Variants in SDK1 observed in about 807,000 individuals in gnomAD.
SDK1 encodes the protein sidekick cell adhesion molecule 1.
A neutral mutation model predicts 245.5 loss-of-function variants in SDK1; 157 were observed. The ratio of observed to expected loss-of-function variants is 0.64; its 90% CI spans 0.56 to 0.73. The LOEUF is 0.73. Among genes scored for constraint, SDK1 ranks in the 30% least tolerant of loss-of-function variants. The probability of loss-of-function intolerance (pLI) is 0.00; values close to 1 mark genes in which losing one functional copy is unlikely to be tolerated. For missense variants in SDK1, 3,583 were observed against 3,002.3 expected, an observed-to-expected ratio of 1.19 and a Z score of -4.52; for synonymous variants, 1,647 against 1,278.5, an observed-to-expected ratio of 1.29 and a Z score of -6.15.
At chr7:4,162,372 A>ATTG (rs1562372603) in intron 32 of SDK1, among the ~76,000 whole-genome samples, 5 of 61,918 alleles carry the variant, frequency 8.1e-5, no homozygotes, top group African/African-American at 5.7e-4. Flanking sequence ...TGTTGTTGTT[A>ATTG]TTATTATTAT....
intron 1 of SDK1, among the ~76,000 whole-genome samples, chr7:3,546,412 G>T (rs1779228088): frequency 1.3e-5 from 2 of 152,182 alleles, no homozygotes; most frequent in South Asian, 4.1e-4. Flanking sequence ...AGATGAGGTT[G>T]TACACTAAAG....
intron 1 of SDK1, among the ~76,000 whole-genome samples, chr7:3,324,649 C>T (rs566561619): frequency 6.6e-6 from 1 of 152,242 alleles, no homozygotes; most frequent in African/African-American, 2.4e-5. Flanking sequence ...GGGTTTTGCA[C>T]TCAAAGCAAA....
intron 44 of SDK1, among the ~76,000 whole-genome samples, chr7:4,251,036 G>A (rs573571480): frequency 1.4e-4 from 22 of 152,200 alleles, no homozygotes; most frequent in African/African-American, 5.1e-4. Context: ...TGCAATATGT[G>A]GTTTTGTGAT....
chr7:4,031,175 G>A (rs1350098667), intron 17 of SDK1, among the ~76,000 whole-genome samples: 2 of 152,084 alleles, frequency 1.3e-5, no homozygotes, highest in East Asian at 3.8e-4. Flanking sequence ...ATATGTTCTT[G>A]TACATGTATA....
chr7:3,468,926 C>T (rs1456712210), intron 1 of SDK1, among the ~76,000 whole-genome samples: 1 of 152,098 alleles, frequency 6.6e-6, no homozygotes, highest in African/African-American at 2.4e-5. Context: ...GGGTAGGTTT[C>T]CCTTGACTCC....
At chr7:3,823,289 A>C (rs892510517) in intron 5 of SDK1, among the ~76,000 whole-genome samples, 1 of 152,192 alleles carries the variant, frequency 6.6e-6, no homozygotes, top group African/African-American at 2.4e-5. Flanking sequence ...AGAGCCATTT[A>C]TCTTGTTTAG....
chr7:3,393,481 G>C (rs539640900), intron 1 of SDK1, among the ~76,000 whole-genome samples: 1 of 152,250 alleles, frequency 6.6e-6, no homozygotes, highest in African/African-American at 2.4e-5. Flanking sequence ...GCTATGTGAA[G>C]TGGTATCTGT....
intron 1 of SDK1, among the ~76,000 whole-genome samples, chr7:3,397,909 T>G (rs374917438): frequency 2.6e-5 from 4 of 152,100 alleles, no homozygotes; most frequent in African/African-American, 9.7e-5. Context: ...CTGCCATATA[T>G]GAGTCTGATT....
At chr7:4,041,061 C>T (rs879937937) in intron 17 of SDK1, among the ~76,000 whole-genome samples, 5 of 152,228 alleles carry the variant, frequency 3.3e-5, no homozygotes, top group Non-Finnish European at 5.9e-5. Context: ...TAAATAATTT[C>T]TTTCTAGCTC....
chr7:3,315,085 C>T (rs1370020622), intron 1 of SDK1, among the ~76,000 whole-genome samples: 1 of 152,070 alleles, frequency 6.6e-6, no homozygotes, highest in South Asian at 2.1e-4. Flanking sequence ...TGATGAGGAC[C>T]TGAATGCTTC....
chr7:3,807,259 C>G (rs1344271225), intron 4 of SDK1, among the ~76,000 whole-genome samples: 6 of 152,144 alleles, frequency 3.9e-5, no homozygotes, highest in Non-Finnish European at 2.9e-5. Flanking sequence ...ACCTCCAGAA[C>G]AGTCCCAAAG....
chr7:3,925,141 G>A (rs1218330586), intron 5 of SDK1, among the ~76,000 whole-genome samples: 36 of 152,042 alleles, frequency 2.4e-4, no homozygotes, highest in Admixed American at 2.4e-3. Context: ...CAGGAACCAG[G>A]GCCCCAGAGC....
At chr7:3,540,565 A>C (rs73037606) in intron 1 of SDK1, among the ~76,000 whole-genome samples, 1 of 152,346 alleles carries the variant, frequency 6.6e-6, no homozygotes, top group Non-Finnish European at 1.5e-5. Context: ...AAGGCTGGTC[A>C]AGGTTGATGG....
chr7:3,407,308 G>T (rs967773066), intron 1 of SDK1, among the ~76,000 whole-genome samples: 4 of 152,190 alleles, frequency 2.6e-5, no homozygotes, highest in Non-Finnish European at 4.4e-5. Context: ...TGTTCCTTCA[G>T]GGGCTGATTG....
intron 5 of SDK1, among the ~76,000 whole-genome samples, chr7:3,876,185 C>G (rs1001368416): frequency 6.6e-6 from 1 of 152,194 alleles, no homozygotes; most frequent in African/African-American, 2.4e-5. Context: ...AGTCCTCACG[C>G]TTGACTTGAA....
intron 1 of SDK1, among the ~76,000 whole-genome samples, chr7:3,568,757 A>G (rs1245321931): frequency 6.6e-6 from 1 of 152,178 alleles, no homozygotes; most frequent in Non-Finnish European, 1.5e-5. Context: ...GTTTATCCTG[A>G]GCTGATGTCA....
chr7:3,844,396 G>C (rs1453552584), intron 5 of SDK1, among the ~76,000 whole-genome samples: 1 of 152,190 alleles, frequency 6.6e-6, no homozygotes, highest in Non-Finnish European at 1.5e-5. Context: ...CAGGTGAGGA[G>C]GAGAGTACTC....
chr7:3,393,327 A>G (rs954569401), intron 1 of SDK1, among the ~76,000 whole-genome samples: 3 of 152,076 alleles, frequency 2.0e-5, no homozygotes, highest in African/African-American at 4.8e-5. Context: ...CAATCATATG[A>G]TAATTCTGTG....
chr7:3,332,500 G>C (rs1273908565), intron 1 of SDK1, among the ~76,000 whole-genome samples: 2 of 152,126 alleles, frequency 1.3e-5, no homozygotes, highest in Non-Finnish European at 1.5e-5. Context: ...GTCTCCTAAA[G>C]CGAAGTCAGA....
Sources: allele counts gnomAD v4.1 joint callset (sites outside exome capture counted in the v4.1 genomes callset), GRCh38; gene constraint gnomAD v4.1.1; transcripts MANE v1.5; gene names NCBI Gene and HGNC (gene_info 2026-07-23, HGNC 2026-07-21).